The following C12orf42 variants were observed in gnomAD, a reference collection of about 807,000 sequenced individuals.
The protein encoded by C12orf42 is uncharacterized protein C12orf42.
Under a neutral mutation model 21.6 loss-of-function variants are expected in C12orf42, and 25 were observed. That is an observed-to-expected ratio of 1.16 (90% CI 0.84 to 1.62). The LOEUF (loss-of-function observed/expected upper bound fraction) is 1.62. C12orf42 is among the 40% of genes most tolerant of loss of function. The pLI is 0.00. For missense variants in C12orf42, 483 were observed against 459.3 expected (o/e 1.05, Z -0.47); for synonymous variants, 174 against 175.0 (o/e 0.99, Z 0.05).
intron 2 of C12orf42, among the ~76,000 whole-genome samples, chr12:103,435,027 G>A (rs1206007114): frequency 6.6e-6 from 1 of 152,072 alleles, no homozygotes; most frequent in African/African-American, 2.4e-5. Flanking sequence ...GAGAGCAGTG[G>A]TTCTCCCAGC....
the C12orf42 span, among the ~76,000 whole-genome samples, chr12:103,512,556 A>G: frequency 6.6e-6 from 1 of 152,238 alleles, no homozygotes; most frequent in Non-Finnish European, 1.5e-5. Flanking sequence ...TATGCATGTA[A>G]TAAGATATCA....
chr12:103,393,065 T>C (rs2047207533), intron 3 of C12orf42, among the ~76,000 whole-genome samples: 1 of 152,202 alleles, frequency 6.6e-6, no homozygotes, highest in African/African-American at 2.4e-5. Flanking sequence ...AAGTTATTTT[T>C]ATTTAATTCC....
chr12:103,458,164 A>G (rs1009466058), intron 2 of C12orf42, among the ~76,000 whole-genome samples: 6 of 152,208 alleles, frequency 3.9e-5, no homozygotes, highest in African/African-American at 7.2e-5. Context: ...AATGTAGTCT[A>G]TACTGAAAAG....
chr12:103,190,076 T>C, the C12orf42 span, among the ~76,000 whole-genome samples: 2 of 151,906 alleles, frequency 1.3e-5, no homozygotes, highest in East Asian at 1.9e-4. Flanking sequence ...AGTCTGCAAA[T>C]TGGGGCAAAA....
intron 3 of C12orf42, among the ~76,000 whole-genome samples, chr12:103,375,304 A>C (rs75282685): frequency 0.052 from 7,939 of 152,266 alleles, 605 homozygotes; most frequent in African/African-American, 0.17. Flanking sequence ...TTCTGTAAGA[A>C]TCTTCAGCTC....
chr12:103,112,434 C>A, the C12orf42 span, among the ~76,000 whole-genome samples: 2 of 151,982 alleles, frequency 1.3e-5, no homozygotes, highest in Admixed American at 1.3e-4. Flanking sequence ...CCGAGGCAGG[C>A]GGATCACCTG....
downstream of C12orf42, chr12:103,268,448 C>G (rs912915722): frequency 6.6e-6 from 1 of 151,690 alleles, no homozygotes; most frequent in Non-Finnish European, 1.5e-5. Flanking sequence ...TTTTCCCCGA[C>G]AGTGACCTGT....
chr12:103,412,723 C>A (rs2048957011), intron 2 of C12orf42, among the ~76,000 whole-genome samples: 1 of 152,186 alleles, frequency 6.6e-6, no homozygotes, highest in Non-Finnish European at 1.5e-5. Flanking sequence ...ATTAGTGATG[C>A]TGGGCATTTT....
At chr12:103,515,490 C>G in the C12orf42 span, among the ~76,000 whole-genome samples, 1 of 152,198 alleles carries the variant, frequency 6.6e-6, no homozygotes, top group Admixed American at 6.5e-5. Context: ...GAAAACCCAA[C>G]TAGTTGTATA....
rs1354489073 is a variant in C12orf42, at chr12:103,318,086, G to A, written c.260-11741C>T. Among the ~76,000 whole-genome samples the A allele has an allele frequency of 3.9e-5, 6 of 152,106 alleles. No homozygotes were observed. The South Asian group carries it at 1.2e-3, about 32-fold the overall frequency. ...GGAGGCCAAGGTGGGTTCATTGCTT[G>A]AGGCCAGCCTGAGCAACATGGCAAA... On this transcript the variant is annotated intron_variant, in intron 4 of 5. Coordinates refer to ENST00000548883, the MANE Select transcript of C12orf42 (RefSeq NM_198521.5).
chr12:103,513,836 T>C, the C12orf42 span, among the ~76,000 whole-genome samples: 1 of 152,098 alleles, frequency 6.6e-6, no homozygotes, highest in African/African-American at 2.4e-5. Flanking sequence ...GGTGCATGCA[T>C]TTCAGTGAGG....
At chr12:103,199,817 T>C in the C12orf42 span, among the ~76,000 whole-genome samples, 2 of 152,154 alleles carry the variant, frequency 1.3e-5, no homozygotes, top group African/African-American at 4.8e-5. Flanking sequence ...TCTTTCCATT[T>C]AGAAAATGGA....
chr12:103,511,703 A>C, the C12orf42 span, among the ~76,000 whole-genome samples: 2 of 152,188 alleles, frequency 1.3e-5, no homozygotes, highest in Middle Eastern at 3.2e-3. Context: ...GTGGAGACAC[A>C]CTCACTCACC....
the C12orf42 span, among the ~76,000 whole-genome samples, chr12:103,561,203 A>AG: frequency 6.6e-6 from 1 of 152,088 alleles, no homozygotes; most frequent in African/African-American, 2.4e-5. Context: ...GGCTGTGGAG[A>AG]GGGGGCAGGA....
the C12orf42 span, chr12:103,081,223 A>G: frequency 6.6e-6 from 1 of 152,240 alleles, no homozygotes; most frequent in South Asian, 2.1e-4. Context: ...TATGCAAATG[A>G]TACTGATAGA....
the C12orf42 span, among the ~76,000 whole-genome samples, chr12:103,220,481 G>T: frequency 6.6e-6 from 1 of 152,060 alleles, no homozygotes; most frequent in African/African-American, 2.4e-5. Flanking sequence ...ACTTTCATTT[G>T]TAGACATGTC....
the C12orf42 span, among the ~76,000 whole-genome samples, chr12:103,184,330 A>C: frequency 6.6e-6 from 1 of 152,200 alleles, no homozygotes; most frequent in East Asian, 1.9e-4. Context: ...AATTTTCTTT[A>C]AAGTCTACTT....
intron 2 of C12orf42, among the ~76,000 whole-genome samples, chr12:103,454,363 T>A (rs182371124): frequency 6.6e-6 from 1 of 152,102 alleles, no homozygotes; most frequent in Non-Finnish European, 1.5e-5. Flanking sequence ...AAATTCATGA[T>A]AATAATCTTA....
At chr12:103,428,983 C>G (rs538280696) in intron 2 of C12orf42, among the ~76,000 whole-genome samples, 11 of 152,116 alleles carry the variant, frequency 7.2e-5, no homozygotes, top group Non-Finnish European at 1.3e-4. Context: ...ATAATAAGAG[C>G]TATTTATGAC....
Sources: allele counts gnomAD v4.1 joint callset (sites outside exome capture counted in the v4.1 genomes callset), GRCh38; gene constraint gnomAD v4.1.1; transcripts MANE v1.5; gene names NCBI Gene and HGNC (gene_info 2026-07-23, HGNC 2026-07-21).